The following SND1 variants were observed in gnomAD, a reference collection of about 807,000 sequenced individuals.
SND1 encodes the protein staphylococcal nuclease domain-containing protein 1.
A neutral mutation model predicts 121.7 loss-of-function variants in SND1; 38 were observed. The observed-to-expected ratio is 0.31, with a 90% confidence interval of 0.24 to 0.41. The LOEUF is 0.41. Among genes scored for constraint, SND1 ranks in the 10% least tolerant of loss-of-function variants. The probability of loss-of-function intolerance (pLI) is 1.00; values close to 1 mark genes in which losing one functional copy is unlikely to be tolerated. For missense variants in SND1, 868 were observed against 1,184.6 expected, an observed-to-expected ratio of 0.73 and a Z score of 3.92; for synonymous variants, 401 against 447.4, an observed-to-expected ratio of 0.90 and a Z score of 1.31.
intron 9 of SND1, among the ~76,000 whole-genome samples, chr7:127,710,024 C>CTT (rs1796271407): frequency 6.7e-6 from 1 of 149,972 alleles, no homozygotes; most frequent in Admixed American, 6.7e-5. Flanking sequence ...ATCATAGTGT[C>CTT]TGTCTCAGGG....
intron 16 of SND1, chr7:128,032,250 G>C (rs1792643319): frequency 6.7e-6 from 1 of 148,664 alleles, no homozygotes; most frequent in Admixed American, 6.6e-5. Context: ...GCGCAGCCCC[G>C]CGCCTCCGGC....
intron 15 of SND1, 85 bp downstream of exon 15, chr7:127,929,414 T>G: frequency 7.2e-7 from 1 of 1,393,394 alleles, no homozygotes; most frequent in Non-Finnish European, 1.0e-6. Flanking sequence ...GTGTTCTAGA[T>G]AGGCCCTAGA....
intron 10 of SND1, among the ~76,000 whole-genome samples, chr7:127,801,221 C>T (rs1798121549): frequency 6.6e-6 from 1 of 152,196 alleles, no homozygotes; most frequent in South Asian, 2.1e-4. Context: ...TTTTATACTC[C>T]CATCAGTGGT....
chr7:127,979,327 G>A (rs1376504480), intron 15 of SND1, among the ~76,000 whole-genome samples: 2 of 152,190 alleles, frequency 1.3e-5, no homozygotes, highest in South Asian at 2.1e-4. Flanking sequence ...TGCGACTCAC[G>A]GATGGAGCAA....
intron 11 of SND1, among the ~76,000 whole-genome samples, chr7:127,813,303 CT>C (rs1206219581): frequency 6.6e-6 from 1 of 152,116 alleles, no homozygotes; most frequent in African/African-American, 2.4e-5. Context: ...TCTTTTACCC[CT>C]TGATTCTTGA....
chr7:127,805,555 G>T (rs1310891491), intron 10 of SND1, among the ~76,000 whole-genome samples: 1 of 152,172 alleles, frequency 6.6e-6, no homozygotes, highest in Non-Finnish European at 1.5e-5. Context: ...CTTGGTCGTA[G>T]TCAATGAATT....
intron 15 of SND1, among the ~76,000 whole-genome samples, chr7:127,983,223 G>T (rs1240056099): frequency 6.6e-6 from 1 of 152,168 alleles, no homozygotes; most frequent in African/African-American, 2.4e-5. Context: ...GAGTCTAGGG[G>T]TAAAAAACTG....
At chr7:127,671,221 A>T (rs2116263269) in intron 1 of SND1, among the ~76,000 whole-genome samples, 1 of 152,310 alleles carries the variant, frequency 6.6e-6, no homozygotes, top group South Asian at 2.1e-4. Flanking sequence ...AAGGTGTTTT[A>T]AAAAACTTCT....
At chr7:127,715,203 G>A (rs758725660) in intron 9 of SND1, among the ~76,000 whole-genome samples, 1 of 151,256 alleles carries the variant, frequency 6.6e-6, no homozygotes, top group Non-Finnish European at 1.5e-5. Flanking sequence ...TAGGTGTGAG[G>A]TGATGTCTCA....
At chr7:127,947,443 G>A (rs569023978) in intron 15 of SND1, among the ~76,000 whole-genome samples, 101 of 152,270 alleles carry the variant, frequency 6.6e-4, no homozygotes, top group Non-Finnish European at 1.1e-3. Context: ...TATACACTTC[G>A]AAGCATGTTT....
chr7:128,065,169 T>C (rs891079988), intron 16 of SND1, among the ~76,000 whole-genome samples: 13 of 152,202 alleles, frequency 8.5e-5, no homozygotes, highest in Non-Finnish European at 1.8e-4. Flanking sequence ...AGGTAACTGA[T>C]GGAAATGGGT....
chr7:127,778,080 A>G (rs1797652665), intron 10 of SND1, among the ~76,000 whole-genome samples: 1 of 151,798 alleles, frequency 6.6e-6, no homozygotes. Context: ...AGAAGTTAGC[A>G]CTCTGTTTTA....
intron 16 of SND1, among the ~76,000 whole-genome samples, chr7:128,061,614 A>T (rs1157311267): frequency 1.3e-5 from 2 of 152,252 alleles, no homozygotes; most frequent in Admixed American, 1.3e-4. Flanking sequence ...CTCCACTCTG[A>T]GGGTGTAAGC....
At chr7:128,062,610 G>C (rs369544033) in intron 16 of SND1, among the ~76,000 whole-genome samples, 2 of 152,218 alleles carry the variant, frequency 1.3e-5, no homozygotes, top group Non-Finnish European at 2.9e-5. Context: ...TCAGTTATCT[G>C]TTCAAACAGA....
chr7:128,069,188 C>G (rs910514150), intron 16 of SND1, among the ~76,000 whole-genome samples: 1 of 152,176 alleles, frequency 6.6e-6, no homozygotes, highest in Non-Finnish European at 1.5e-5. Flanking sequence ...TGTAAGAAAC[C>G]CAAAGCTTTC....
intron 10 of SND1, among the ~76,000 whole-genome samples, chr7:127,792,771 G>A (rs1165891721): frequency 6.6e-6 from 1 of 152,160 alleles, no homozygotes; most frequent in African/African-American, 2.4e-5. Flanking sequence ...GAGGAGGTGT[G>A]ATAACCTGTT....
chr7:127,844,301 T>C (rs1378540113), intron 11 of SND1, 23 bp from the exon 12 acceptor site: 2 of 1,603,020 alleles, frequency 1.2e-6, no homozygotes, highest in Non-Finnish European at 1.7e-6. Context: ...TCAACCCTAA[T>C]TCCCTTGATT....
chr7:127,817,786 C>A (rs1370365917), intron 11 of SND1, among the ~76,000 whole-genome samples: 2 of 145,054 alleles, frequency 1.4e-5, no homozygotes, highest in Non-Finnish European at 3.0e-5. Context: ...TCCTGGTTCC[C>A]CATGTAAAGT....
intron 10 of SND1, among the ~76,000 whole-genome samples, chr7:127,748,466 A>T (rs1435191815): frequency 6.6e-6 from 1 of 152,234 alleles, no homozygotes; most frequent in African/African-American, 2.4e-5. Flanking sequence ...TGCATCATTA[A>T]TCTGATGTAA....
Sources: allele counts gnomAD v4.1 joint callset (sites outside exome capture counted in the v4.1 genomes callset), GRCh38; gene constraint gnomAD v4.1.1; transcripts MANE v1.5; gene names NCBI Gene and HGNC (gene_info 2026-07-23, HGNC 2026-07-21).